The following SOS2 variants were observed in gnomAD, a reference collection of about 807,000 sequenced individuals.
SOS2 encodes the protein SOS Ras/Rho guanine nucleotide exchange factor 2, also known as son of sevenless homolog 2.
In SOS2, 65 loss-of-function variants were observed where a neutral mutation model predicts 148.2. The observed-to-expected ratio is 0.44, with a 90% CI of 0.36 to 0.54. The LOEUF (loss-of-function observed/expected upper bound fraction) is 0.54, where lower values mean the gene tolerates loss of function less well. Ranked by LOEUF, SOS2 falls within the 20% of genes least tolerant of loss-of-function variation. The pLI, the probability that SOS2 is intolerant of heterozygous loss-of-function variation, is 0.00. For missense variants in SOS2, 1,341 were observed against 1,590.2 expected, an observed-to-expected ratio of 0.84 and a Z score of 2.67; for synonymous variants, 539 against 537.1, an observed-to-expected ratio of 1.00 and a Z score of -0.05.
At position 50,199,768 on chromosome 14, in the gene SOS2, C is replaced by T; in HGVS notation, c.433G>A (p.Ala145Thr). 6.2e-7 allele frequency: 1 copy of T among 1,605,346 alleles called. No homozygotes were observed. Among genetic ancestry groups the T allele is most frequent in the Non-Finnish European group, 8.5e-7 (1 of 1,172,848 alleles). ...CGGATATTAAAAACATAATTACCAG[C>T]CAATTTTAAAATATCAGCTGAGATA... Reference protein sequence around the residue: ...EYISADILKLAGNYVFNIRHY... With the variant: ...EYISADILKLTGNYVFNIRHY... The change falls in exon 4 of 23, where the codon GCT becomes ACT. Residue 145 changes from alanine to threonine, a missense_variant. By Grantham distance (58) the Ala-to-Thr change is moderately conservative (BLOSUM62 0). Around this residue, in one of 4 missense-constraint regions of SOS2, gnomAD observed 574 missense variants for 711.1 expected, o/e 0.81. Transcript: ENST00000216373.
chr14:50,215,701 T>G (rs1156358338), intron 1 of SOS2, among the ~76,000 whole-genome samples: 1 of 151,588 alleles, frequency 6.6e-6, no homozygotes, highest in Non-Finnish European at 1.5e-5. Context: ...AATGTGCACA[T>G]GTACCCTAAA....
rs2139512845 is a variant in SOS2, at chr14:50,130,651, G to T, written c.3187C>A (p.Pro1063Thr). The T allele has an allele frequency of 6.2e-7, 1 of 1,614,160 alleles. No homozygotes were observed. Among genetic ancestry groups the T allele is most frequent in the Non-Finnish European group, 8.5e-7 (1 of 1,180,026 alleles). The change falls in exon 20 of 23, where the codon CCA (proline) becomes ACA (threonine). Residue 1063 changes from proline to threonine, a missense_variant. Physicochemically the swap from Pro to Thr is conservative, Grantham distance 38. Transcript: ENST00000216373. ...RGHPTPLERE[P>T]CKISFSRIAE... ...ATCCGACTAAAGCTTATTTTACATG[G>T]TTCTCTTTCTAATGGTGTTGGGTGA...
At chr14:50,146,958 G>C (rs569231801) in intron 14 of SOS2, among the ~76,000 whole-genome samples, 1 of 152,112 alleles carries the variant, frequency 6.6e-6, no homozygotes, top group Non-Finnish European at 1.5e-5. Flanking sequence ...TACTTGGGAG[G>C]ATGAAGTGGA....
intron 8 of SOS2, among the ~76,000 whole-genome samples, chr14:50,172,370 C>T (rs1885390668): frequency 6.9e-6 from 1 of 145,288 alleles, no homozygotes; most frequent in South Asian, 2.2e-4. Context: ...TTTATTCTAA[C>T]GGTTACAGTT....
intron 22 of SOS2, among the ~76,000 whole-genome samples, chr14:50,119,518 TTTTTA>T: frequency 6.6e-6 from 1 of 152,212 alleles, no homozygotes; most frequent in East Asian, 1.9e-4. Flanking sequence ...TCCAGCCTCT[TTTTTA>T]TTTTTTTATT....
At chr14:50,183,955 C>T (rs1263633936) in intron 5 of SOS2, among the ~76,000 whole-genome samples, 4 of 152,140 alleles carry the variant, frequency 2.6e-5, no homozygotes, top group East Asian at 3.8e-4. Context: ...ACATTTAGGC[C>T]ATATAGGTAT....
chr14:50,200,881 T>C (rs1886464770), intron 3 of SOS2, 72 bp downstream of exon 3: 4 of 1,449,340 alleles, frequency 2.8e-6, no homozygotes, highest in African/African-American at 2.8e-5. Flanking sequence ...ACATTAATGC[T>C]TTATAAATAT....
intron 12 of SOS2, 36 bp from the exon 13 acceptor site, chr14:50,153,209 A>C (rs11628935): frequency 5.8e-6 from 7 of 1,215,106 alleles, no homozygotes; most frequent in South Asian, 1.2e-5. Context: ...TTAGTGAAAC[A>C]TAAGTGTTCA....
intron 8 of SOS2, among the ~76,000 whole-genome samples, chr14:50,164,444 A>C (rs1197510864): frequency 6.6e-6 from 1 of 151,776 alleles, no homozygotes; most frequent in Non-Finnish European, 1.5e-5. Context: ...TGTCCCCCGC[A>C]AAAAAATGAA....
At chr14:50,131,018 GA>G (rs1271813854) in intron 19 of SOS2, among the ~76,000 whole-genome samples, 1 of 151,918 alleles carries the variant, frequency 6.6e-6, no homozygotes, top group Non-Finnish European at 1.5e-5. Context: ...AATTTTATGT[GA>G]AAATCACATT....
upstream of SOS2, among the ~76,000 whole-genome samples, chr14:50,231,805 C>T (rs1224764190): frequency 1.3e-5 from 2 of 152,084 alleles, no homozygotes; most frequent in Admixed American, 1.3e-4. Flanking sequence ...ACCCGGAGTG[C>T]GCGTCGGGCG....
chr14:50,196,798 T>C (rs755164202), intron 4 of SOS2, among the ~76,000 whole-genome samples: 1 of 152,046 alleles, frequency 6.6e-6, no homozygotes, highest in Non-Finnish European at 1.5e-5. Flanking sequence ...GAAAAGAAAA[T>C]AAAGTGCTCA....
chr14:50,156,390 G>C (rs1034800387), intron 12 of SOS2: 2 of 151,968 alleles, frequency 1.3e-5, no homozygotes, highest in Non-Finnish European at 2.9e-5. Flanking sequence ...ATATAAAGTA[G>C]GAATAGTAAT....
At chr14:50,120,420 C>T in intron 21 of SOS2, 36 bp from the exon 22 acceptor site, 1 of 969,598 alleles carries the variant, frequency 1.0e-6, no homozygotes. Flanking sequence ...CCACAATTCA[C>T]AGTATAAGAT....
At chr14:50,145,909 T>G (rs765332120) in intron 14 of SOS2, among the ~76,000 whole-genome samples, 9 of 151,358 alleles carry the variant, frequency 5.9e-5, no homozygotes, top group Non-Finnish European at 1.0e-4. Context: ...CCGAGGCAGA[T>G]GGATCACCTG....
chr14:50,178,670 G>GTGTGTGTA (rs1566839555), intron 7 of SOS2, among the ~76,000 whole-genome samples: 4 of 68,012 alleles, frequency 5.9e-5, no homozygotes, highest in South Asian at 4.7e-4. Context: ...GTGTGTGTGT[G>GTGTGTGTA]CATATATATA....
chr14:50,144,905 A>C (rs1884416648), intron 16 of SOS2, among the ~76,000 whole-genome samples: 1 of 152,178 alleles, frequency 6.6e-6, no homozygotes, highest in Admixed American at 6.5e-5. Context: ...ATTTAGGTTA[A>C]GTACATTACA....
chr14:50,180,742 G>A (rs1417762862), intron 6 of SOS2, 60 bp from the exon 7 acceptor site: 1 of 932,494 alleles, frequency 1.1e-6, no homozygotes, highest in Non-Finnish European at 1.6e-6. Context: ...CTACCAATAT[G>A]GTACAGATTA....
At chr14:50,174,248 T>C (rs1371537162) in intron 8 of SOS2, among the ~76,000 whole-genome samples, 2 of 152,040 alleles carry the variant, frequency 1.3e-5, no homozygotes, top group African/African-American at 4.8e-5. Context: ...AATACAACAC[T>C]GCACAGAAAA....
Sources: allele counts gnomAD v4.1 joint callset (sites outside exome capture counted in the v4.1 genomes callset), GRCh38; gene constraint gnomAD v4.1.1; regional missense constraint gnomAD v4.1.1; transcripts MANE v1.5; gene names NCBI Gene and HGNC (gene_info 2026-07-23, HGNC 2026-07-21).